Variants in PLA2G4C observed in about 807,000 individuals in gnomAD.
PLA2G4C encodes phospholipase A2 group IVC.
A neutral mutation model predicts 73.8 loss-of-function variants in PLA2G4C; 64 were observed. The observed-to-expected ratio is 0.87, with a 90% CI of 0.71 to 1.07. PLA2G4C has a LOEUF of 1.07. Ranked by LOEUF, PLA2G4C falls within the 50% of genes least tolerant of loss-of-function variation. The probability of loss-of-function intolerance (pLI) is 0.00; values close to 1 mark genes in which losing one functional copy is unlikely to be tolerated. For synonymous variants in PLA2G4C, 254 were observed against 252.1 expected (o/e 1.01, Z -0.07); for missense variants, 622 against 665.4 (o/e 0.93, Z 0.72).
At chr19:48,052,173 G>C (rs960760800) in intron 16 of PLA2G4C, 2 of 152,376 alleles carry the variant, frequency 1.3e-5, no homozygotes, top group Non-Finnish European at 2.9e-5. Flanking sequence ...GAGCCACAGT[G>C]CCCAGCCACA....
chr19:48,090,101 C>T (rs541892107), intron 8 of PLA2G4C: 7 of 449,986 alleles, frequency 1.6e-5, no homozygotes, highest in East Asian at 1.1e-4. Flanking sequence ...AGGCAGAAAC[C>T]GAGGCACAGA....
rs1420521453 is a variant in PLA2G4C, at chr19:48,105,419, G to A, written c.34C>T (p.Leu12Phe). 6.2e-7 allele frequency: 1 copy of A among 1,613,520 alleles called. No individual in the cohort carries two copies. The highest frequency in any genetic ancestry group is 2.2e-5 in the East Asian group (1 of 44,852). ...ACGGCCGCCTTTTCTTCTTTCTGGA[G>A]CCCAGGAATTATGGAAACTTCAGAG... ...GSSEVSIIPGLQKEEKAAVER... is the reference protein window; with the variant it reads ...GSSEVSIIPGFQKEEKAAVER... Residue 12 changes from leucine (L) to phenylalanine (F), a missense_variant, in exon 3 of 17, where the codon CTC (leucine) becomes TTC (phenylalanine). Coordinates refer to ENST00000599921, the MANE Select transcript of PLA2G4C (RefSeq NM_003706.3).
At chr19:48,100,031 G>A in intron 4 of PLA2G4C, 171 bp from the exon 5 acceptor site, 1 of 499,986 alleles carries the variant, frequency 2.0e-6, no homozygotes, top group Non-Finnish European at 3.5e-6. Context: ...GAACGATCAA[G>A]TTCGAAGGAG....
rs1232252022 is a variant in PLA2G4C, at chr19:48,047,987, G to A, written c.*356C>T. The A allele has an allele frequency of 3.5e-6, 1 of 282,334 alleles. No homozygotes were observed. Among genetic ancestry groups the A allele is most frequent in the East Asian group, 9.9e-5 (1 of 10,060 alleles). 17.5% of individuals were successfully genotyped at this position (282,334 alleles called of 1,614,324 possible). A position where few individuals can be genotyped will look rare whatever the true frequency, so the allele number is the denominator to read the frequency against. ...TTGTGCAGAGCTACTGGCTAGAAGT[G>A]CAGTCATAAAGGAGCAGTGGAAGGC... On this transcript the variant is annotated 3_prime_UTR_variant, in exon 17 of 17. Coordinates refer to ENST00000599921, the MANE Select transcript of PLA2G4C (RefSeq NM_003706.3).
At position 48,072,617 on chromosome 19, in the gene PLA2G4C, T is replaced by C. The variant is rs1022381484; in HGVS notation, c.1006+2150A>G. ...TTCATTAATCCCATCTAAGGGGAGC[T>C]TGGCCAACAATAGCTCAGAGACATC... On this transcript the variant is annotated intron_variant, in intron 12 of 16. Coordinates refer to ENST00000599921, the MANE Select transcript of PLA2G4C (RefSeq NM_003706.3). The surrounding 1 kb of genome is among the most constrained non-coding windows in gnomAD (Gnocchi z 4.4). 4 of 152,148 alleles carry C rather than the reference T, an allele frequency of 2.6e-5. No homozygotes were observed. Among genetic ancestry groups the C allele is most frequent in the Non-Finnish European group, 4.4e-5 (3 of 68,024 alleles). 9.4% of individuals were successfully genotyped at this position (152,148 alleles called of 1,614,324 possible).
chr19:48,093,821 C>T (rs550285907), intron 7 of PLA2G4C, among the ~76,000 whole-genome samples: 1 of 152,118 alleles, frequency 6.6e-6, no homozygotes, highest in Admixed American at 6.5e-5. Flanking sequence ...GGGGCAGATC[C>T]CCCCATGCTG....
At chr19:48,073,517 C>T (rs1165254724) in intron 12 of PLA2G4C, among the ~76,000 whole-genome samples, 1 of 151,856 alleles carries the variant, frequency 6.6e-6, no homozygotes, top group Non-Finnish European at 1.5e-5. Flanking sequence ...GTTATTATTT[C>T]ATGCTAATGA....
chr19:48,105,556 T>A, intron 2 of PLA2G4C, 112 bp from the exon 3 acceptor site: 1 of 735,792 alleles, frequency 1.4e-6, no homozygotes, highest in South Asian at 1.7e-5. Context: ...AGCCCACGGG[T>A]ACATGGTTTC....
chr19:48,057,509 T>C (rs1244020337), intron 14 of PLA2G4C, among the ~76,000 whole-genome samples: 1 of 123,374 alleles, frequency 8.1e-6, no homozygotes, highest in African/African-American at 3.3e-5. Context: ...TTTTTTTTTT[T>C]GACAGAGTCT....
intron 10 of PLA2G4C, among the ~76,000 whole-genome samples, chr19:48,083,888 T>A (rs781304477): frequency 2.6e-5 from 4 of 152,072 alleles, no homozygotes; most frequent in Non-Finnish European, 5.9e-5. Flanking sequence ...CCCCTATAGA[T>A]CCCTGTGTCT....
chr19:48,103,544 T>G (rs1299816279), intron 4 of PLA2G4C: 5 of 152,350 alleles, frequency 3.3e-5, no homozygotes, highest in Non-Finnish European at 5.9e-5. Context: ...TCTGCTGCTC[T>G]GCCTAGCCTT....
At position 48,048,259 on chromosome 19, in the gene PLA2G4C, G is replaced by A; in HGVS notation, c.*84C>T. 1 of 959,626 alleles carries A rather than the reference G, an allele frequency of 1.0e-6. No homozygotes were observed. The highest frequency in any genetic ancestry group is 1.5e-5 in the South Asian group (1 of 68,170). 59.4% of individuals were successfully genotyped at this position (959,626 alleles called of 1,614,324 possible). On this transcript the variant is annotated 3_prime_UTR_variant, in exon 17 of 17. Transcript: ENST00000599921. ...CAAGGCCATGAAGCGTGTGGCTGAA[G>A]GGAGTGAAGAACAGGAAGGCCAGGT...
chr19:48,068,303 CAAAAAAA>C (rs71181639), intron 12 of PLA2G4C, among the ~76,000 whole-genome samples: 1 of 76,098 alleles, frequency 1.3e-5, no homozygotes. Flanking sequence ...GACTCCATCT[CAAAAAAA>C]AAAAAAAAAA....
intron 7 of PLA2G4C, among the ~76,000 whole-genome samples, chr19:48,093,838 T>C (rs911766065): frequency 1.3e-5 from 2 of 152,220 alleles, no homozygotes. Context: ...GCTGTACTCG[T>C]GATAGCGAGT....
chr19:48,067,742 C>T (rs980165110), intron 13 of PLA2G4C, 49 bp downstream of exon 13: 6 of 1,232,378 alleles, frequency 4.9e-6, no homozygotes, highest in Non-Finnish European at 7.2e-6. Flanking sequence ...TACTCCAGCC[C>T]ATTCACACGC....
intron 11 of PLA2G4C, among the ~76,000 whole-genome samples, chr19:48,077,336 T>G (rs561729246): frequency 5.3e-5 from 8 of 152,034 alleles, no homozygotes; most frequent in African/African-American, 1.9e-4. Context: ...CAACCCCTTT[T>G]ACAACAGCTG....
At position 48,056,539 on chromosome 19, in the gene PLA2G4C, A is replaced by G. The variant is rs562534215; in HGVS notation, c.1258-1490T>C. 1.8e-4 allele frequency among the ~76,000 whole-genome samples: 28 copies of G among 151,478 alleles called. No homozygotes were observed. In the South Asian group the frequency reaches 4.6e-3, roughly 25 times the overall value. On this transcript the variant is annotated intron_variant, in intron 14 of 16. Transcript: ENST00000599921. ...CTCCAACCTGGGTGACAAGAGCAAG[A>G]AAGAGGCTGGGCATGGTGGCTCATG... is the stretch of plus-strand genomic sequence containing the variant.
intron 12 of PLA2G4C, among the ~76,000 whole-genome samples, chr19:48,068,606 CACT>C (rs1968538270): frequency 6.6e-6 from 1 of 151,892 alleles, no homozygotes. Flanking sequence ...GCAGGAGGAT[CACT>C]TGAACCCAGT....
In PLA2G4C at chr19:48,104,635, GC is replaced by G; in HGVS notation, c.209del (p.Gly70AlafsTer36). ...LGVLSEMKEQ[G>X]LLDAVTYLAG... ...CGAGGTACGTGACGGCATCCAACAG[GC>G]CCTGTTCTTTCATCTCACTCAGGAC... On this transcript the variant is annotated frameshift_variant, in exon 4 of 17. Coordinates refer to ENST00000599921, the MANE Select transcript of PLA2G4C (RefSeq NM_003706.3). LOFTEE classifies it high-confidence loss of function. 6.2e-7 allele frequency: 1 copy of G among 1,614,042 alleles called. No individual in the cohort carries two copies. Among genetic ancestry groups the G allele is most frequent in the Non-Finnish European group, 8.5e-7 (1 of 1,179,928 alleles).
Sources: gnomAD v4.1 joint callset for allele counts (sites outside exome capture counted in the v4.1 genomes callset) on GRCh38, gnomAD v4.1.1 for gene constraint, Gnocchi (gnomAD v3.1) non-coding constraint, MANE v1.5 for transcripts, NCBI Gene and HGNC (gene_info 2026-07-23, HGNC 2026-07-21) for gene names.